Variants in TRAF3IP2 observed in about 807,000 individuals in gnomAD.
The protein encoded by TRAF3IP2 is TRAF3 interacting protein 2, also known as E3 ubiquitin ligase TRAF3IP2.
In TRAF3IP2, 35 loss-of-function variants were observed where a neutral mutation model predicts 57.9. That is an observed-to-expected ratio of 0.60 (90% CI 0.46 to 0.80). The LOEUF is 0.80. Ranked by LOEUF, TRAF3IP2 falls within the 30% of genes least tolerant of loss-of-function variation. TRAF3IP2 has a pLI of 0.00. For synonymous variants in TRAF3IP2, 251 were observed against 268.9 expected, an observed-to-expected ratio of 0.93 and a Z score of 0.65; for missense variants, 556 against 706.4, an observed-to-expected ratio of 0.79 and a Z score of 2.41.
In TRAF3IP2 at chr6:111,595,692, A is replaced by G. The variant is rs982871539; in HGVS notation, c.-8-3598T>C. On this transcript the variant is annotated intron_variant, in intron 1 of 8. Transcript: ENST00000368761. ...AAAATACAAAAATTAGCCGGGCATG[A>G]TGGCAGGCACCTGTAATCCCAGCTA... 5.5e-4 allele frequency among the ~76,000 whole-genome samples: 84 copies of G among 151,990 alleles called. 1 individual carries two copies. In the Middle Eastern group the frequency reaches 0.017, roughly 31 times the overall value.
chr6:111,595,554 G>C (rs1796654573), intron 1 of TRAF3IP2, among the ~76,000 whole-genome samples: 1 of 152,300 alleles, frequency 6.6e-6, no homozygotes, highest in East Asian at 1.9e-4. Flanking sequence ...TGCATGCCGG[G>C]CGCCGTGACT....
At position 111,555,515 on chromosome 6, in the gene TRAF3IP2, C is replaced by T. The variant is rs566336412; in HGVS notation, c.*3890G>A. Among the ~76,000 whole-genome samples, 6 of 152,254 alleles carry T rather than the reference C, an allele frequency of 3.9e-5. No homozygotes were observed. Among genetic ancestry groups the T allele is most frequent in the African/African-American group, 1.4e-4 (6 of 41,546 alleles). On this transcript the variant is annotated 3_prime_UTR_variant, in exon 9 of 9. Coordinates refer to ENST00000368761, the MANE Select transcript of TRAF3IP2 (RefSeq NM_147686.4). ...AGCCATGTACTGAGACCTCTTTGAACAATCTAGAAGTTAAAATAGATTTGA... is the reference window on the plus strand; with the variant it reads ...AGCCATGTACTGAGACCTCTTTGAATAATCTAGAAGTTAAAATAGATTTGA...
At position 111,559,276 on chromosome 6, in the gene TRAF3IP2, G is replaced by GC; in HGVS notation, c.*128dup. ...GCTCTGCACAACAGGTTTCCTGGGG[G>GC]CCAGAGGGCCTCTCGGGGAGGAACA... On this transcript the variant is annotated 3_prime_UTR_variant, in exon 9 of 9. Transcript: ENST00000368761. The GC allele has an allele frequency of 7.6e-7, 1 of 1,312,462 alleles. No individual in the cohort carries two copies. 81.3% of individuals were successfully genotyped at this position (1,312,462 alleles called of 1,614,324 possible). A position where few individuals can be genotyped will look rare whatever the true frequency, so the allele number is the denominator to read the frequency against.
At chr6:111,601,950 G>C (rs944206407) in intron 1 of TRAF3IP2, 1 of 152,208 alleles carries the variant, frequency 6.6e-6, no homozygotes, top group Admixed American at 6.5e-5. Flanking sequence ...TGGAAGGTTG[G>C]TTTTGAGTGA....
intron 4 of TRAF3IP2, among the ~76,000 whole-genome samples, chr6:111,574,365 A>G (rs964791346): frequency 6.6e-6 from 1 of 152,244 alleles, no homozygotes; most frequent in Non-Finnish European, 1.5e-5. Flanking sequence ...TAGCAAGCAC[A>G]TCATATAATA....
chr6:111,577,466 G>A (rs1403251405), intron 3 of TRAF3IP2, among the ~76,000 whole-genome samples: 1 of 151,980 alleles, frequency 6.6e-6, no homozygotes, highest in Non-Finnish European at 1.5e-5. Flanking sequence ...ACAGCTCACT[G>A]CAGCCTTGAC....
chr6:111,576,871 A>T (rs1796008188), intron 3 of TRAF3IP2: 1 of 152,180 alleles, frequency 6.6e-6, no homozygotes, highest in Non-Finnish European at 1.5e-5. Context: ...TATAAATTTT[A>T]AAAAAATGTT....
At position 111,593,794 on chromosome 6, in the gene TRAF3IP2, T is replaced by C. The variant is rs973986619; in HGVS notation, c.-8-1700A>G. ...GACCTTATAAAAATGAACAAGAGCC[T>C]ACCCAAAAAACCTGTAAATAAATAT... On this transcript the variant is annotated intron_variant, in intron 1 of 8. Coordinates refer to ENST00000368761, the MANE Select transcript of TRAF3IP2 (RefSeq NM_147686.4). Among the ~76,000 whole-genome samples, 8 of 152,126 alleles carry C rather than the reference T, an allele frequency of 5.3e-5. No homozygotes were observed. The East Asian group carries it at 7.7e-4, about 15-fold the overall frequency.
At chr6:111,581,261 T>C (rs2128378231) in intron 2 of TRAF3IP2, among the ~76,000 whole-genome samples, 1 of 152,264 alleles carries the variant, frequency 6.6e-6, no homozygotes, top group Non-Finnish European at 1.5e-5. Context: ...TCTGAGGGAA[T>C]GGCCCAGGCC....
At chr6:111,561,042 C>T (rs745387142) in intron 8 of TRAF3IP2, among the ~76,000 whole-genome samples, 2 of 151,882 alleles carry the variant, frequency 1.3e-5, no homozygotes, top group Non-Finnish European at 1.5e-5. Context: ...ATTAGCTGGG[C>T]GTGGTGGCGA....
chr6:111,594,916 A>C (rs1370424001), intron 1 of TRAF3IP2, among the ~76,000 whole-genome samples: 2 of 152,046 alleles, frequency 1.3e-5, no homozygotes, highest in Non-Finnish European at 2.9e-5. Context: ...AACCTGTCTC[A>C]AAAAATAAAA....
chr6:111,580,134 A>G (rs1158492533), intron 3 of TRAF3IP2, 63 bp downstream of exon 3: 6 of 1,552,932 alleles, frequency 3.9e-6, no homozygotes, highest in African/African-American at 2.7e-5. Flanking sequence ...TTACATCTTC[A>G]TTGCATTGGC....
intron 5 of TRAF3IP2, among the ~76,000 whole-genome samples, chr6:111,571,642 C>T (rs954236573): frequency 1.3e-5 from 2 of 152,100 alleles, no homozygotes; most frequent in African/African-American, 2.4e-5. Context: ...AGAAAATTGT[C>T]TTGGCCGAGT....
At chr6:111,561,821 A>G (rs1795455346) in intron 8 of TRAF3IP2, among the ~76,000 whole-genome samples, 1 of 152,184 alleles carries the variant, frequency 6.6e-6, no homozygotes, top group Non-Finnish European at 1.5e-5. Context: ...ATGGCAGAGG[A>G]GAGGATGGCT....
intron 2 of TRAF3IP2, among the ~76,000 whole-genome samples, chr6:111,583,508 G>A (rs1289091813): frequency 6.6e-6 from 1 of 152,152 alleles, no homozygotes; most frequent in East Asian, 1.9e-4. Flanking sequence ...TCACAGGAGT[G>A]CAAACCCTAT....
At chr6:111,560,431 G>A (rs115189816) in intron 8 of TRAF3IP2, among the ~76,000 whole-genome samples, 141 of 152,284 alleles carry the variant, frequency 9.3e-4, no homozygotes, top group African/African-American at 3.2e-3. Flanking sequence ...TGCCCTGTAG[G>A]CCACCATAAG....
chr6:111,594,139 A>AAAAAAAAG (rs1796609384), intron 1 of TRAF3IP2, among the ~76,000 whole-genome samples: 1 of 151,862 alleles, frequency 6.6e-6, no homozygotes, highest in Non-Finnish European at 1.5e-5. Context: ...CTCCAAAAAA[A>AAAAAAAAG]AAAAAAATGC....
rs1043730 is a variant in TRAF3IP2, at chr6:111,580,250, G to T, written c.969C>A (p.His323Gln). Residue 323 changes from histidine (H) to glutamine (Q), a missense_variant, in exon 3 of 9, where the codon CAC (histidine) becomes CAA (glutamine). By Grantham distance (24) the His-to-Gln change is conservative. Coordinates refer to ENST00000368761, the MANE Select transcript of TRAF3IP2 (RefSeq NM_147686.4). The part of the protein sequence containing the change: ...VILNYPSPWD[H>Q]EERPAQRDCS... ...AGTCTCTCTGTGCGGGCCTCTCTTC[G>T]TGGTCCCAGGGGCTGGGATAATTCA... 1,301,332 of 1,614,006 alleles carry T rather than the reference G, an allele frequency of 0.81. 528,557 individuals are homozygous for T. Among genetic ancestry groups the T allele is most frequent in the East Asian group, 1 (44,860 of 44,878 alleles).
At chr6:111,566,635 G>T in intron 6 of TRAF3IP2, 75 bp from the exon 7 acceptor site, 2 of 1,271,154 alleles carry the variant, frequency 1.6e-6, no homozygotes, top group Non-Finnish European at 2.3e-6. Flanking sequence ...GACACACGGG[G>T]TGGAGGGCCA....
Sources: gnomAD v4.1 joint callset for allele counts (sites outside exome capture counted in the v4.1 genomes callset) on GRCh38, gnomAD v4.1.1 for gene constraint, MANE v1.5 for transcripts, NCBI Gene and HGNC (gene_info 2026-07-23, HGNC 2026-07-21) for gene names.